The following ASIP variants were observed in gnomAD, a reference collection of about 807,000 sequenced individuals.
ASIP encodes the protein agouti-signaling protein.
In ASIP, 11 loss-of-function variants were observed where a neutral mutation model predicts 10.3. That is an observed-to-expected ratio of 1.07 (90% CI 0.68 to 1.78). ASIP has a LOEUF of 1.78. Ranked by LOEUF, ASIP falls within the 40% of genes most tolerant of loss-of-function variation. ASIP has a pLI of 0.00. For missense variants in ASIP, 180 were observed against 169.2 expected, an observed-to-expected ratio of 1.06 and a Z score of -0.35; for synonymous variants, 70 against 70.8, an observed-to-expected ratio of 0.99 and a Z score of 0.06.
chr20:34,198,335 C>T (rs1295383682), intron 1 of ASIP, among the ~76,000 whole-genome samples: 1 of 151,998 alleles, frequency 6.6e-6, no homozygotes, highest in Admixed American at 6.5e-5. Flanking sequence ...GGTGATCTGC[C>T]GACATCAGGC....
chr20:34,257,070 C>CTTTTTTTTTTTTTTTTTT (rs56227909), intron 1 of ASIP, among the ~76,000 whole-genome samples: 20 of 139,406 alleles, frequency 1.4e-4, no homozygotes, highest in African/African-American at 2.6e-4. Context: ...CTTTCTTTCT[C>CTTTTTTTTTTTTTTTTTT]TTTTTTTTTT....
At chr20:34,194,872 C>A (rs527727505) in intron 1 of ASIP, 1 of 152,174 alleles carries the variant, frequency 6.6e-6, no homozygotes, top group African/African-American at 2.4e-5. Context: ...TTCTTCTTCT[C>A]CTCGTTTTCC....
At chr20:34,214,969 C>A (rs2034997974) in intron 1 of ASIP, 3 of 1,391,970 alleles carry the variant, frequency 2.2e-6, no homozygotes. Context: ...CCATGACTGT[C>A]CCATTCCGTT....
At chr20:34,263,550 ACT>A (rs753673429) in intron 3 of ASIP, among the ~76,000 whole-genome samples, 2 of 152,048 alleles carry the variant, frequency 1.3e-5, no homozygotes, top group Non-Finnish European at 1.5e-5. Context: ...CAAGAGTGAA[ACT>A]CTGTCTCAAA....
chr20:34,243,437 T>C (rs2035314554), intron 1 of ASIP, among the ~76,000 whole-genome samples: 1 of 151,962 alleles, frequency 6.6e-6, no homozygotes, highest in African/African-American at 2.4e-5. Context: ...TCAAATAATT[T>C]TAGTGTTGTT....
rs993311260 is a variant in ASIP, at chr20:34,222,189, A to G, written c.-11+27429A>G. Among the ~76,000 whole-genome samples, 3 of 152,194 alleles carry G rather than the reference A, an allele frequency of 2.0e-5. No homozygotes were observed. In the East Asian group the frequency reaches 5.8e-4, roughly 29 times the overall value. ...AAAGAATCTTTAGCTGTAGGATACC[A>G]GCTTTTGCCATAGAAAATACCCAGT... On this transcript the variant is annotated intron_variant, in intron 1 of 3. Coordinates refer to the ASIP transcript ENST00000568305.
intron 1 of ASIP, among the ~76,000 whole-genome samples, chr20:34,226,926 A>G (rs189140103): frequency 1.2e-4 from 19 of 152,280 alleles, no homozygotes; most frequent in Non-Finnish European, 2.1e-4. Context: ...TTCTTCTACA[A>G]TAAGGAACAA....
intron 3 of ASIP, among the ~76,000 whole-genome samples, chr20:34,265,047 T>C (rs541778087): frequency 2.0e-5 from 3 of 152,218 alleles, no homozygotes; most frequent in African/African-American, 7.2e-5. Context: ...CCGCTGCTTC[T>C]GTCTCCTAAA....
intron 1 of ASIP, among the ~76,000 whole-genome samples, chr20:34,199,614 T>C (rs2034880302): frequency 6.6e-6 from 1 of 152,232 alleles, no homozygotes; most frequent in African/African-American, 2.4e-5. Context: ...ACTATCCTGT[T>C]TTGAGAAATA....
Position 34,256,300 on chromosome 20 carries a change from G to A in ASIP, c.-10-4065G>A, listed in dbSNP as rs377343572. On this transcript the variant is annotated intron_variant, in intron 1 of 3. Transcript: ENST00000374954. ...TAAATAACAGCACAGCCAGGCATTCGGGGCCATTACTGGTCTCTGTGCCTT... is the reference window on the plus strand; with the variant it reads ...TAAATAACAGCACAGCCAGGCATTCAGGGCCATTACTGGTCTCTGTGCCTT... 5.1e-4 allele frequency among the ~76,000 whole-genome samples: 77 copies of A among 152,152 alleles called. No homozygotes were observed. In the East Asian group the frequency reaches 0.01, roughly 20 times the overall value.
At chr20:34,222,029 G>A (rs1372965332) in intron 1 of ASIP, among the ~76,000 whole-genome samples, 1 of 152,148 alleles carries the variant, frequency 6.6e-6, no homozygotes, top group Non-Finnish European at 1.5e-5. Flanking sequence ...AGGATTGCTT[G>A]ATCCTGGGAG....
rs1248704787 is a variant in ASIP at position 34,260,514 on chromosome 20, T to C, written c.140T>C (p.Val47Ala). The C allele has an allele frequency of 6.2e-7, 1 of 1,613,114 alleles. No individual in the cohort carries two copies. The highest frequency in any genetic ancestry group is 1.3e-5 in the African/African-American group (1 of 74,926). The change falls in exon 2 of 4, where the codon GTC becomes GCC. Residue 47 changes from valine to alanine, a missense_variant. Transcript: ENST00000374954. Reference protein sequence around the residue: ...RSNSSVNLLDVPSVSIVALNK... With the variant: ...RSNSSVNLLDAPSVSIVALNK... ...AACTCCTCTGTGAACCTACTGGATG[T>C]CCCTTCTGTCTCTATTGTGGGTAAG...
At chr20:34,193,312 T>C (rs2034835940), upstream of ASIP, among the ~76,000 whole-genome samples, 1 of 152,196 alleles carries the variant, frequency 6.6e-6, no homozygotes, top group South Asian at 2.1e-4. Context: ...ATTCGAGTCA[T>C]TGAGTCTCTG....
chr20:34,203,008 C>A (rs988045475), intron 1 of ASIP, among the ~76,000 whole-genome samples: 5 of 151,938 alleles, frequency 3.3e-5, no homozygotes, highest in African/African-American at 1.2e-4. Flanking sequence ...CGGGGTTTCA[C>A]CGCGTTAGCC....
intron 2 of ASIP, among the ~76,000 whole-genome samples, chr20:34,261,416 T>C (rs2035688877): frequency 6.6e-6 from 1 of 152,196 alleles, no homozygotes; most frequent in Admixed American, 6.5e-5. Flanking sequence ...GGCAGATCTC[T>C]TGAGCTCAGG....
intron 1 of ASIP, among the ~76,000 whole-genome samples, chr20:34,225,333 C>T (rs2035085447): frequency 6.6e-6 from 1 of 151,102 alleles, no homozygotes; most frequent in East Asian, 1.9e-4. Flanking sequence ...GCCACCGCGC[C>T]CTGCCTGCAC....
At chr20:34,213,785 G>C (rs2034989798) in intron 1 of ASIP, 1 of 1,505,752 alleles carries the variant, frequency 6.6e-7, no homozygotes, top group Admixed American at 1.7e-5. Context: ...TTTTGTAAGG[G>C]ACAACTGAGG....
At chr20:34,204,379 C>A (rs1438894747) in intron 1 of ASIP, among the ~76,000 whole-genome samples, 1 of 152,062 alleles carries the variant, frequency 6.6e-6, no homozygotes, top group Non-Finnish European at 1.5e-5. Context: ...CGCCACCATG[C>A]TGGCTAATTT....
intron 1 of ASIP, among the ~76,000 whole-genome samples, chr20:34,231,637 T>A (rs2035122644): frequency 6.6e-6 from 1 of 152,210 alleles, no homozygotes; most frequent in African/African-American, 2.4e-5. Context: ...GACAAAGAAC[T>A]TGTATCCAGA....
Sources: gnomAD v4.1 joint callset for allele counts (sites outside exome capture counted in the v4.1 genomes callset) on GRCh38, gnomAD v4.1.1 for gene constraint, MANE v1.5 for transcripts, NCBI Gene and HGNC (gene_info 2026-07-23, HGNC 2026-07-21) for gene names.